The following FRMD5 variants were observed in gnomAD, a reference collection of about 807,000 sequenced individuals.
FRMD5 encodes the protein FERM domain containing 5.
Under a neutral mutation model 69.0 loss-of-function variants are expected in FRMD5, and 20 were observed. The ratio of observed to expected loss-of-function variants is 0.29; its 90% CI spans 0.20 to 0.42. FRMD5 has a LOEUF of 0.42. Ranked by LOEUF, FRMD5 falls within the 10% of genes least tolerant of loss-of-function variation. The probability of loss-of-function intolerance (pLI) is 1.00; values close to 1 mark genes in which losing one functional copy is unlikely to be tolerated. For missense variants in FRMD5, 595 were observed against 708.6 expected (o/e 0.84, Z 1.82); for synonymous variants, 271 against 260.1 (o/e 1.04, Z -0.40).
intron 1 of FRMD5, among the ~76,000 whole-genome samples, chr15:44,050,528 C>CTTT (rs34133842): frequency 9.6e-5 from 9 of 93,754 alleles, no homozygotes; most frequent in Admixed American, 3.4e-4. Context: ...GCCTGGCTCC[C>CTTT]TTTTTTTTTT....
chr15:44,190,533 C>G (rs1025464790), intron 1 of FRMD5, among the ~76,000 whole-genome samples: 1 of 152,088 alleles, frequency 6.6e-6, no homozygotes, highest in African/African-American at 2.4e-5. Context: ...AAGAGACAAA[C>G]CAAAAAGTCA....
chr15:44,126,654 T>C (rs902630824), intron 1 of FRMD5, among the ~76,000 whole-genome samples: 4 of 152,338 alleles, frequency 2.6e-5, no homozygotes, highest in Non-Finnish European at 4.4e-5. Flanking sequence ...CTACTCTTCA[T>C]ACTCTCCCAC....
intron 1 of FRMD5, among the ~76,000 whole-genome samples, chr15:44,145,467 C>T (rs545455443): frequency 1.3e-5 from 2 of 152,092 alleles, no homozygotes; most frequent in African/African-American, 4.8e-5. Context: ...GCTGGTATCA[C>T]TAAGAAAGTT....
intron 1 of FRMD5, among the ~76,000 whole-genome samples, chr15:44,093,625 T>C (rs1234911415): frequency 1.3e-5 from 2 of 150,168 alleles, no homozygotes; most frequent in Non-Finnish European, 3.0e-5. Context: ...CAGGCTGGAG[T>C]GCAGTGGCGC....
intron 1 of FRMD5, among the ~76,000 whole-genome samples, chr15:44,030,102 T>C (rs1891612537): frequency 1.3e-5 from 2 of 152,184 alleles, no homozygotes; most frequent in African/African-American, 4.8e-5. Context: ...TGACAGCTGA[T>C]GTTGTAAATC....
intron 1 of FRMD5, among the ~76,000 whole-genome samples, chr15:43,932,371 T>G (rs1241309444): frequency 6.6e-6 from 1 of 152,196 alleles, no homozygotes; most frequent in Non-Finnish European, 1.5e-5. Context: ...AATCTGCGTC[T>G]TCTTCTTACC....
chr15:44,098,882 A>G (rs961751252), intron 1 of FRMD5, among the ~76,000 whole-genome samples: 2 of 152,264 alleles, frequency 1.3e-5, no homozygotes, highest in South Asian at 2.1e-4. Context: ...CTTTTAAAAT[A>G]GACTATTTGC....
chr15:44,145,786 A>G (rs746719717), intron 1 of FRMD5, among the ~76,000 whole-genome samples: 12 of 152,190 alleles, frequency 7.9e-5, no homozygotes, highest in Admixed American at 3.9e-4. Context: ...AAAGTTTAAG[A>G]TTTAACACAA....
chr15:43,908,484 T>C (rs1038082485), intron 5 of FRMD5, among the ~76,000 whole-genome samples: 2 of 152,246 alleles, frequency 1.3e-5, no homozygotes, highest in African/African-American at 2.4e-5. Flanking sequence ...GTGGTATTTC[T>C]ATTGCCAGAA....
At chr15:43,925,732 C>T (rs1220092134) in intron 1 of FRMD5, among the ~76,000 whole-genome samples, 1 of 152,172 alleles carries the variant, frequency 6.6e-6, no homozygotes, top group African/African-American at 2.4e-5. Flanking sequence ...ATGGCCTTTC[C>T]GTTCTGAACT....
intron 1 of FRMD5, among the ~76,000 whole-genome samples, chr15:43,952,004 G>C (rs867958835): frequency 4.5e-4 from 52 of 116,514 alleles, no homozygotes; most frequent in African/African-American, 1.3e-3. Flanking sequence ...GTGTGTCTGT[G>C]TGTGTGTGTG....
At chr15:44,168,526 C>T (rs1306628064) in intron 1 of FRMD5, among the ~76,000 whole-genome samples, 4 of 152,124 alleles carry the variant, frequency 2.6e-5, no homozygotes, top group Non-Finnish European at 4.4e-5. Context: ...GGGTGGTGAA[C>T]ACAACTGTAA....
intron 1 of FRMD5, among the ~76,000 whole-genome samples, chr15:44,051,314 G>A (rs920641253): frequency 6.7e-6 from 1 of 148,532 alleles, no homozygotes; most frequent in African/African-American, 2.5e-5. Flanking sequence ...ACCACACTGG[G>A]CTAATTTTTG....
Position 44,195,252 on chromosome 15 carries a change from C to T in FRMD5, c.-198G>A, listed in dbSNP as rs1354418551. On this transcript the variant is annotated 5_prime_UTR_variant, in exon 1 of 14. Coordinates refer to ENST00000417257, the MANE Select transcript of FRMD5 (RefSeq NM_032892.5). ...CAGCCGCCACCGCCTCCCCCCAGCC[C>T]AGATCAAGCGCCGGGCTCTGTCTCC... 3 of 531,846 alleles carry T rather than the reference C, an allele frequency of 5.6e-6. No homozygotes were observed. Among genetic ancestry groups the T allele is most frequent in the Non-Finnish European group, 9.9e-6 (3 of 303,840 alleles). 32.9% of individuals were successfully genotyped at this position (531,846 alleles called of 1,614,324 possible). A position where few individuals can be genotyped will look rare whatever the true frequency, so the allele number is the denominator to read the frequency against.
intron 1 of FRMD5, among the ~76,000 whole-genome samples, chr15:43,959,063 C>G (rs556295765): frequency 3.3e-5 from 5 of 152,332 alleles, no homozygotes; most frequent in East Asian, 1.9e-4. Flanking sequence ...TTCCCTCCCC[C>G]ACAGATTACT....
At chr15:44,129,077 T>C (rs1004248790) in intron 1 of FRMD5, among the ~76,000 whole-genome samples, 2 of 152,004 alleles carry the variant, frequency 1.3e-5, no homozygotes, top group African/African-American at 4.8e-5. Flanking sequence ...AAAGAGATAA[T>C]ACAAAAACTG....
At position 43,983,809 on chromosome 15, in the gene FRMD5, T is replaced by C. The variant is rs149068021; in HGVS notation, c.103-59500A>G. Among the ~76,000 whole-genome samples, 26 of 152,290 alleles carry C rather than the reference T, an allele frequency of 1.7e-4. 1 individual carries two copies. The East Asian group carries it at 4.8e-3, about 28-fold the overall frequency. Reference sequence around the variant, plus strand: ...ACCGTCTCCACCTCTGGCTCTAAAATGTCATGTCACTGTGAAATGCTCTTT... The same window carrying C: ...ACCGTCTCCACCTCTGGCTCTAAAACGTCATGTCACTGTGAAATGCTCTTT... On this transcript the variant is annotated intron_variant, in intron 1 of 13. Transcript: ENST00000417257.
chr15:43,978,594 C>T (rs1247837868), intron 1 of FRMD5, among the ~76,000 whole-genome samples: 1 of 152,144 alleles, frequency 6.6e-6, no homozygotes, highest in Non-Finnish European at 1.5e-5. Flanking sequence ...AAGATTCACC[C>T]AGGCTGGAGT....
intron 1 of FRMD5, among the ~76,000 whole-genome samples, chr15:43,958,636 G>A (rs2090151397): frequency 1.3e-5 from 2 of 152,180 alleles, no homozygotes; most frequent in Admixed American, 6.5e-5. Context: ...GTTTTGCCAT[G>A]TTGTCCAAGT....
Sources: allele counts gnomAD v4.1 joint callset (sites outside exome capture counted in the v4.1 genomes callset), GRCh38; gene constraint gnomAD v4.1.1; transcripts MANE v1.5; gene names NCBI Gene and HGNC (gene_info 2026-07-23, HGNC 2026-07-21).